The following LRP1B variants were observed in gnomAD, a reference collection of about 807,000 sequenced individuals.
LRP1B encodes the protein low-density lipoprotein receptor-related protein 1B.
LRP1B carries 217 observed loss-of-function variants against 556.6 expected under a neutral mutation model. That is an observed-to-expected ratio of 0.39 (90% CI 0.35 to 0.44). LRP1B has a LOEUF of 0.44. LRP1B is among the 20% of genes least tolerant of loss of function. LRP1B has a pLI of 1.00. For synonymous variants in LRP1B, 2,047 were observed against 1,865.8 expected (o/e 1.10, Z -2.50); for missense variants, 5,053 against 5,620.8 (o/e 0.90, Z 3.23).
At chr2:141,977,062 G>A (rs1574552386) in intron 1 of LRP1B, among the ~76,000 whole-genome samples, 1 of 152,172 alleles carries the variant, frequency 6.6e-6, no homozygotes, top group Middle Eastern at 3.4e-3. Context: ...GAATGACTTG[G>A]TGGTAAAAAG....
intron 3 of LRP1B, among the ~76,000 whole-genome samples, chr2:141,255,589 T>G (rs996111534): frequency 6.6e-6 from 1 of 152,094 alleles, no homozygotes; most frequent in Admixed American, 6.6e-5. Flanking sequence ...CTTAGTTCAA[T>G]TACTGTTCAG....
At chr2:140,528,532 A>C (rs1383633768) in intron 47 of LRP1B, among the ~76,000 whole-genome samples, 1 of 151,812 alleles carries the variant, frequency 6.6e-6, no homozygotes, top group African/African-American at 2.4e-5. Flanking sequence ...GGGCTAATGA[A>C]TCTTTGGGAG....
At chr2:140,746,444 A>G (rs1049290838) in intron 35 of LRP1B, among the ~76,000 whole-genome samples, 3 of 152,190 alleles carry the variant, frequency 2.0e-5, no homozygotes, top group African/African-American at 4.8e-5. Context: ...TTAAATAGGT[A>G]GATGGTTTTC....
intron 18 of LRP1B, 36 bp downstream of exon 18, chr2:140,982,124 A>C (rs777972194): frequency 6.6e-7 from 1 of 1,514,436 alleles, no homozygotes; most frequent in Non-Finnish European, 9.2e-7. Flanking sequence ...TATCTGACAC[A>C]ATCTGTAATA....
rs376323241 is a variant in LRP1B, at chr2:142,121,318, G to A, written c.82+9330C>T. On this transcript the variant is annotated intron_variant, in intron 1 of 90. Transcript: ENST00000389484. ...AGTAAGTTGCATCATTTTCACCTCT[G>A]ATTAGACAGCCAGTAGCTGCTCAAA... is the stretch of plus-strand genomic sequence containing the variant. Among the ~76,000 whole-genome samples the A allele has an allele frequency of 4.4e-4, 67 of 152,140 alleles. 2 individuals are homozygous for A. The South Asian group carries it at 6.0e-3, about 14-fold the overall frequency.
intron 2 of LRP1B, among the ~76,000 whole-genome samples, chr2:141,526,276 A>G (rs2105183156): frequency 6.6e-6 from 1 of 152,132 alleles, no homozygotes; most frequent in South Asian, 2.1e-4. Context: ...TTTTTAGCAG[A>G]CGGTGAGTTA....
Position 140,595,118 on chromosome 2 carries a change from A to C in LRP1B, c.7194+3513T>G, listed in dbSNP as rs1179160155. On this transcript the variant is annotated intron_variant, in intron 43 of 90. Coordinates refer to ENST00000389484, the MANE Select transcript of LRP1B (RefSeq NM_018557.3). ...TATATATATATATATATATATATAT[A>C]TATATATATATATATATATTAGTAT... is the stretch of plus-strand genomic sequence containing the variant. Among the ~76,000 whole-genome samples, 445 of 96,692 alleles carry C rather than the reference A, an allele frequency of 4.6e-3. 7 individuals are homozygous for C. Among genetic ancestry groups the C allele is most frequent in the African/African-American group, 0.018 (369 of 20,562 alleles). The allele number at this position is 96,692 out of a possible 152,430, so 63.4% of individuals were successfully genotyped here.
At chr2:141,586,844 A>T (rs1195166464) in intron 2 of LRP1B, among the ~76,000 whole-genome samples, 2 of 151,050 alleles carry the variant, frequency 1.3e-5, no homozygotes, top group African/African-American at 4.9e-5. Flanking sequence ...TGGGAGGCTG[A>T]GGCAGGAGAA....
chr2:140,892,117 T>C (rs1468621677), intron 23 of LRP1B, among the ~76,000 whole-genome samples: 5 of 152,098 alleles, frequency 3.3e-5, no homozygotes. Flanking sequence ...TTTGATTGCA[T>C]AAATGAATAA....
intron 41 of LRP1B, among the ~76,000 whole-genome samples, chr2:140,652,672 GTTTCC>G (rs973418823): frequency 6.6e-6 from 1 of 151,944 alleles, no homozygotes; most frequent in Non-Finnish European, 1.5e-5. Context: ...AATCATGAAA[GTTTCC>G]TTTCATGTAC....
chr2:140,297,961 T>C lies in LRP1B; in HGVS notation c.12814A>G (p.Thr4272Ala). 6.2e-7 allele frequency: 1 copy of C among 1,606,262 alleles called. No homozygotes were observed. Among genetic ancestry groups the C allele is most frequent in the Non-Finnish European group, 8.5e-7 (1 of 1,174,492 alleles). Residue 4272 changes from threonine to alanine, a missense_variant, in exon 84 of 91, where the codon ACC becomes GCC. Physicochemically the swap from Thr to Ala is moderately conservative, Grantham distance 58. Transcript: ENST00000389484. ...GTGAAACCCAGTGCACAGCTGCAGG[T>C]GGGTCTCCCTATTGGAAACAATAAG... ...TCVPSVLGRP[T>A]CSCALGFTGP...
chr2:140,345,721 TATATACAC>T (rs1414803925), intron 77 of LRP1B, among the ~76,000 whole-genome samples: 2 of 134,472 alleles, frequency 1.5e-5, no homozygotes, highest in Non-Finnish European at 3.3e-5. Context: ...TATATGTATA[TATATACAC>T]ATATATATAC....
intron 7 of LRP1B, among the ~76,000 whole-genome samples, chr2:141,155,878 T>G (rs576344457): frequency 2.6e-5 from 4 of 152,244 alleles, no homozygotes; most frequent in Admixed American, 6.5e-5. Context: ...CTGAAGATAT[T>G]TTTTCAAAAT....
At chr2:140,265,827 T>C (rs910347215) in intron 86 of LRP1B, among the ~76,000 whole-genome samples, 2 of 152,006 alleles carry the variant, frequency 1.3e-5, no homozygotes, top group African/African-American at 2.4e-5. Flanking sequence ...TAGAAAGATA[T>C]TCTGAGGGTT....
intron 32 of LRP1B, among the ~76,000 whole-genome samples, chr2:140,789,750 C>A (rs985519946): frequency 1.3e-4 from 20 of 148,640 alleles, no homozygotes; most frequent in African/African-American, 4.9e-4. Flanking sequence ...CCTGCCTCAG[C>A]CTCCCAAGTA....
chr2:141,200,505 T>C (rs867030557), intron 6 of LRP1B, among the ~76,000 whole-genome samples: 2 of 152,108 alleles, frequency 1.3e-5, no homozygotes, highest in African/African-American at 4.8e-5. Flanking sequence ...ATATCTGATA[T>C]AGTCATGGCT....
At chr2:141,908,991 A>G (rs1699833118) in intron 1 of LRP1B, among the ~76,000 whole-genome samples, 1 of 152,120 alleles carries the variant, frequency 6.6e-6, no homozygotes, top group Admixed American at 6.6e-5. Context: ...ATGGAGGTGT[A>G]AGAGTCGGAG....
Position 140,238,233 on chromosome 2 carries a change from T to G in LRP1B, c.13479A>C (p.Pro4493=). The change falls in exon 89 of 91, where the codon CCA becomes CCC. Residue 4493 remains proline (P), a synonymous_variant. Coordinates refer to ENST00000389484, the MANE Select transcript of LRP1B (RefSeq NM_018557.3). ...GATCTACCTCATACATGTTATAAGATGGATTGCCAATTTCTACATTTATTC... is the reference window on the plus strand; with the variant it reads ...GATCTACCTCATACATGTTATAAGAGGGATTGCCAATTTCTACATTTATTC... ...NGGINVEIGN[P]SYNMYEVDHD... 1.3e-6 allele frequency: 2 copies of G among 1,596,094 alleles called. No homozygotes were observed. Among genetic ancestry groups the G allele is most frequent in the Non-Finnish European group, 1.7e-6 (2 of 1,165,708 alleles).
At chr2:140,722,666 A>G (rs1574282430) in intron 35 of LRP1B, among the ~76,000 whole-genome samples, 1 of 152,346 alleles carries the variant, frequency 6.6e-6, no homozygotes, top group East Asian at 1.9e-4. Flanking sequence ...ATGACTTTAG[A>G]ATGTAAAGCT....
Sources: allele counts gnomAD v4.1 joint callset (sites outside exome capture counted in the v4.1 genomes callset), GRCh38; gene constraint gnomAD v4.1.1; transcripts MANE v1.5; gene names NCBI Gene and HGNC (gene_info 2026-07-23, HGNC 2026-07-21).